Variants in PCNX4 observed in about 807,000 individuals in gnomAD.
PCNX4 encodes the protein pecanex-like protein 4.
PCNX4 carries 103 observed loss-of-function variants against 107.2 expected under a neutral mutation model. The observed-to-expected ratio is 0.96, with a 90% confidence interval of 0.82 to 1.13. PCNX4 has a LOEUF of 1.13. PCNX4 is among the 50% of genes most tolerant of loss of function. The pLI is 0.00. For synonymous variants in PCNX4, 541 were observed against 481.7 expected, an observed-to-expected ratio of 1.12 and a Z score of -1.61; for missense variants, 1,528 against 1,379.4, an observed-to-expected ratio of 1.11 and a Z score of -1.71.
intron 1 of PCNX4, among the ~76,000 whole-genome samples, chr14:60,104,397 C>T (rs1895592969): frequency 6.7e-6 from 1 of 149,764 alleles, no homozygotes; most frequent in African/African-American, 2.5e-5. Context: ...AGCAATATGT[C>T]ATATTTTCCA....
intron 1 of PCNX4, among the ~76,000 whole-genome samples, chr14:60,092,685 A>G (rs1895327873): frequency 6.6e-6 from 1 of 152,196 alleles, no homozygotes; most frequent in African/African-American, 2.4e-5. Flanking sequence ...CTCGTACGAA[A>G]TGGAATATGG....
intron 6 of PCNX4, among the ~76,000 whole-genome samples, chr14:60,118,055 G>A (rs1416888149): frequency 6.7e-6 from 1 of 149,802 alleles, no homozygotes; most frequent in African/African-American, 2.4e-5. Flanking sequence ...TCTAATTTGT[G>A]GCCTACAGTG....
In PCNX4 at chr14:60,144,957, G is replaced by A. The variant is rs381839; in HGVS notation, c.*10736G>A. On this transcript the variant is annotated 3_prime_UTR_variant, in exon 11 of 11. Transcript: ENST00000406854. Reference sequence around the variant, plus strand: ...CCCTCCAGTGGCTTGAAAAGTACAGGTGCTCTTTTCAGTCATGTTTTGTCT... The same window carrying A: ...CCCTCCAGTGGCTTGAAAAGTACAGATGCTCTTTTCAGTCATGTTTTGTCT... 0.19 allele frequency: 297,648 copies of A among 1,593,304 alleles called. 36,693 individuals carry two copies. Among genetic ancestry groups the A allele is most frequent in the African/African-American group, 0.52 (38,219 of 73,570 alleles).
At chr14:60,093,445 G>A (rs219296) in intron 1 of PCNX4, among the ~76,000 whole-genome samples, 114,711 of 152,058 alleles carry the variant, frequency 0.75, 45,246 homozygotes, top group Non-Finnish European at 0.87. Flanking sequence ...TCACATAGAC[G>A]GGAAAATACA....
In PCNX4 at chr14:60,107,832, GC is replaced by G. The variant is rs764406124; in HGVS notation, c.195del (p.Ile66SerfsTer2). Reference sequence around the variant, plus strand: ...GTCGGAACACTTTTATACCAGTTAGGCATCCTGAAAGACTATTATACAGCAG... The same window carrying G: ...GTCGGAACACTTTTATACCAGTTAGGATCCTGAAAGACTATTATACAGCAG... ...GGVGTLLYQLGILKDYYTAAL... is the reference protein window; with the variant it reads ...GGVGTLLYQLXILKDYYTAAL... On this transcript the variant is annotated frameshift_variant, in exon 2 of 11. Coordinates refer to ENST00000406854, the MANE Select transcript of PCNX4 (RefSeq NM_001330177.2). LOFTEE classifies it high-confidence loss of function. 5.0e-6 allele frequency: 8 copies of G among 1,612,554 alleles called. No homozygotes were observed. The highest frequency in any genetic ancestry group is 5.9e-6 in the Non-Finnish European group (7 of 1,179,766).
At chr14:60,113,204 A>G (rs1046467841) in intron 2 of PCNX4, among the ~76,000 whole-genome samples, 1 of 152,232 alleles carries the variant, frequency 6.6e-6, no homozygotes, top group African/African-American at 2.4e-5. Context: ...TTTGAAGGGC[A>G]TACATTATGA....
At chr14:60,114,580 G>A (rs1437713529) in intron 2 of PCNX4, 120 bp from the exon 3 acceptor site, 2 of 719,422 alleles carry the variant, frequency 2.8e-6, no homozygotes, top group South Asian at 2.2e-5. Context: ...TTTCTGTGGT[G>A]TGTGTGTGTG....
chr14:60,096,062 G>A (rs1004711225), intron 1 of PCNX4, among the ~76,000 whole-genome samples: 2 of 152,130 alleles, frequency 1.3e-5, no homozygotes, highest in Non-Finnish European at 2.9e-5. Flanking sequence ...CCTAATATAA[G>A]CAATAAGCTT....
In PCNX4 at chr14:60,138,096, GAAA is replaced by G. The variant is rs79900253; in HGVS notation, c.*3888_*3890del. On this transcript the variant is annotated 3_prime_UTR_variant, in exon 11 of 11. Transcript: ENST00000406854. ...ACAGAGCGAGACTCCATCTCAAAAA[GAAA>G]AAAAAAAAAAAAGGATTCAGTGAAT... 3.8e-4 allele frequency: 29 copies of G among 76,200 alleles called. No individual in the cohort carries two copies. Among genetic ancestry groups the G allele is most frequent in the African/African-American group, 7.9e-4 (17 of 21,522 alleles). 4.7% of individuals were successfully genotyped at this position (76,200 alleles called of 1,614,324 possible).
Position 60,108,091 on chromosome 14 carries a change from T to G in PCNX4, c.453T>G (p.Cys151Trp). The G allele has an allele frequency of 6.2e-7, 1 of 1,612,866 alleles. No individual in the cohort carries two copies. The highest frequency in any genetic ancestry group is 1.3e-5 in the African/African-American group (1 of 75,054). ...ATTCTATTCTTGCTGGATTAGCGTG[T>G]GGTCTTGGAACATGGTATCTGCTCC... Reference protein sequence around the residue: ...VFHSILAGLACGLGTWYLLPN... With the variant: ...VFHSILAGLAWGLGTWYLLPN... Residue 151 changes from cysteine to tryptophan, a missense_variant, in exon 2 of 11, where the codon TGT becomes TGG. Coordinates refer to ENST00000406854, the MANE Select transcript of PCNX4 (RefSeq NM_001330177.2).
In PCNX4 at chr14:60,140,791, TAAA is replaced by T. The variant is rs1896297824; in HGVS notation, c.*6573_*6575del. 1 of 152,198 alleles carries T rather than the reference TAAA, an allele frequency of 6.6e-6. No individual in the cohort carries two copies. Among genetic ancestry groups the T allele is most frequent in the Non-Finnish European group, 1.5e-5 (1 of 68,032 alleles). 9.4% of individuals were successfully genotyped at this position (152,198 alleles called of 1,614,324 possible). ...TATTTGATAAACCAGTATCCACTCA[TAAA>T]AAGTTTGCTTTTTAATATTCATCTT... is the stretch of plus-strand genomic sequence containing the variant. On this transcript the variant is annotated 3_prime_UTR_variant, in exon 11 of 11. Coordinates refer to ENST00000406854, the MANE Select transcript of PCNX4 (RefSeq NM_001330177.2). The surrounding 1 kb of genome is among the most constrained non-coding windows in gnomAD (Gnocchi z 4.2).
At chr14:60,132,565 A>G (rs1896173674) in intron 10 of PCNX4, among the ~76,000 whole-genome samples, 1 of 152,210 alleles carries the variant, frequency 6.6e-6, no homozygotes, top group Non-Finnish European at 1.5e-5. Flanking sequence ...ATTCTTAGAT[A>G]TGACACCAAA....
At chr14:60,105,135 T>G (rs1311644513) in intron 1 of PCNX4, among the ~76,000 whole-genome samples, 1 of 152,180 alleles carries the variant, frequency 6.6e-6, no homozygotes, top group African/African-American at 2.4e-5. Context: ...AGTTTCAGCT[T>G]TTGGAGAATT....
intron 10 of PCNX4, among the ~76,000 whole-genome samples, chr14:60,126,959 G>T (rs1896066462): frequency 6.6e-6 from 1 of 152,208 alleles, no homozygotes; most frequent in African/African-American, 2.4e-5. Context: ...TCGCTCAAGA[G>T]AGAAGCATGC....
chr14:60,113,307 C>A (rs961193238), intron 2 of PCNX4, among the ~76,000 whole-genome samples: 1 of 152,210 alleles, frequency 6.6e-6, no homozygotes, highest in Non-Finnish European at 1.5e-5. Context: ...TATACATTTG[C>A]TTTGGGGCTG....
chr14:60,096,703 A>G lies in PCNX4; in HGVS notation c.-54+4284A>G, dbSNP rs546097277. On this transcript the variant is annotated intron_variant, in intron 1 of 10. Transcript: ENST00000406854. The stretch of plus-strand genomic sequence containing the variant: ...TCTTGTAATATGATAGTGTGGTCAC[A>G]GCGTTCTCCAGGTATCCACCCCATA... Among the ~76,000 whole-genome samples the G allele has an allele frequency of 2.0e-5, 3 of 152,336 alleles. No homozygotes were observed. The South Asian group carries it at 6.2e-4, about 32-fold the overall frequency.
At chr14:60,131,165 T>G (rs916091466) in intron 10 of PCNX4, among the ~76,000 whole-genome samples, 7 of 152,114 alleles carry the variant, frequency 4.6e-5, no homozygotes, top group African/African-American at 1.7e-4. Context: ...AAATGTCTCT[T>G]CTTTAAGTCA....
At chr14:60,127,093 C>T (rs1896069135) in intron 10 of PCNX4, among the ~76,000 whole-genome samples, 1 of 152,166 alleles carries the variant, frequency 6.6e-6, no homozygotes, top group African/African-American at 2.4e-5. Flanking sequence ...GGAGTGTAGA[C>T]ACATTAAAGC....
chr14:60,118,458 A>G lies in PCNX4; in HGVS notation c.1708A>G (p.Ile570Val). ...AACTGCCACTTTATGTATACTCAAC[A>G]TTGTCTTTTCTCCATTCGTGTTGGT... ...KTTATLCILN[I>V]VFSPFVLVII... The change falls in exon 7 of 11, where the codon ATT becomes GTT. Residue 570 changes from isoleucine (I) to valine (V), a missense_variant. Ile to Val is a conservative substitution (Grantham distance 29). Transcript: ENST00000406854. 1 of 1,613,734 alleles carries G rather than the reference A, an allele frequency of 6.2e-7. No individual in the cohort carries two copies. Among genetic ancestry groups the G allele is most frequent in the Non-Finnish European group, 8.5e-7 (1 of 1,179,812 alleles).
Sources: gnomAD v4.1 joint callset for allele counts (sites outside exome capture counted in the v4.1 genomes callset) on GRCh38, gnomAD v4.1.1 for gene constraint, Gnocchi (gnomAD v3.1) non-coding constraint, MANE v1.5 for transcripts, NCBI Gene and HGNC (gene_info 2026-07-23, HGNC 2026-07-21) for gene names.